SH2D3A: variants seen among roughly 807,000 people sequenced by gnomAD.
SH2D3A encodes SH2 domain-containing protein 3A.
SH2D3A carries 46 observed loss-of-function variants against 50.6 expected under a neutral mutation model. That is an observed-to-expected ratio of 0.91 (90% CI 0.72 to 1.16). The LOEUF (loss-of-function observed/expected upper bound fraction) is 1.16. Among genes scored for constraint, SH2D3A ranks in the 50% most tolerant of loss-of-function variants. SH2D3A has a pLI of 0.00. For synonymous variants in SH2D3A, 377 were observed against 348.4 expected, an observed-to-expected ratio of 1.08 and a Z score of -0.91; for missense variants, 783 against 786.2, an observed-to-expected ratio of 1.00 and a Z score of 0.05.
At chr19:6,759,559 T>A in intron 4 of SH2D3A, 35 bp downstream of exon 4, 1 of 1,603,368 alleles carries the variant, frequency 6.2e-7, no homozygotes, top group Non-Finnish European at 8.5e-7. Context: ...GCAGAGCCAA[T>A]CCCTGAGCCA....
chr19:6,762,373 G>A (rs1252223041), intron 2 of SH2D3A, among the ~76,000 whole-genome samples: 3 of 151,496 alleles, frequency 2.0e-5, no homozygotes, highest in South Asian at 2.1e-4. Flanking sequence ...TTAGTAGAGA[G>A]GGGGTTTCAT....
chr19:6,763,646 C>CCT, intron 2 of SH2D3A, 34 bp downstream of exon 2: 2 of 1,603,836 alleles, frequency 1.2e-6, no homozygotes, highest in African/African-American at 2.7e-5. Flanking sequence ...AGGCTCCCCA[C>CCT]CAGATGGTGC....
At chr19:6,762,310 A>T (rs563541294) in intron 2 of SH2D3A, among the ~76,000 whole-genome samples, 1 of 151,928 alleles carries the variant, frequency 6.6e-6, no homozygotes, top group East Asian at 1.9e-4. Flanking sequence ...CAGCCTCCCG[A>T]GTAGCTGGGA....
chr19:6,762,869 G>T (rs1408589830), intron 2 of SH2D3A, among the ~76,000 whole-genome samples: 2 of 151,814 alleles, frequency 1.3e-5, no homozygotes, highest in Non-Finnish European at 2.9e-5. Context: ...GAGGTCAAAT[G>T]TCCTGCCCAA....
At chr19:6,759,534 C>T in intron 4 of SH2D3A, 60 bp downstream of exon 4, 2 of 1,499,902 alleles carry the variant, frequency 1.3e-6, no homozygotes, top group Non-Finnish European at 1.9e-6. Flanking sequence ...ACCAAGATCT[C>T]TTAGGTGGTG....
At chr19:6,761,754 C>T (rs1166623936) in intron 2 of SH2D3A, among the ~76,000 whole-genome samples, 1 of 151,910 alleles carries the variant, frequency 6.6e-6, no homozygotes. Flanking sequence ...TTGAGACCAG[C>T]CTGGGCAACA....
chr19:6,754,213 C>T (rs1969505907), intron 7 of SH2D3A, 38 bp downstream of exon 7: 4 of 1,606,198 alleles, frequency 2.5e-6, no homozygotes, highest in African/African-American at 1.3e-5. Flanking sequence ...CCCAGTCACC[C>T]GCACTCCAGC....
intron 1 of SH2D3A, among the ~76,000 whole-genome samples, chr19:6,765,585 TA>T (rs1599599123): frequency 1.3e-5 from 2 of 151,698 alleles, no homozygotes; most frequent in African/African-American, 4.8e-5. Context: ...CCGTCTCTAC[TA>T]AAAATACAAA....
In SH2D3A at chr19:6,752,705, A is replaced by T. The variant is rs997355812; in HGVS notation, c.1619T>A (p.Val540Glu). The change falls in exon 10 of 10, where the codon GTG becomes GAG. Residue 540 changes from valine to glutamate, a missense_variant. Coordinates refer to ENST00000245908, the MANE Select transcript of SH2D3A (RefSeq NM_005490.3). ...ELREALTTGF[V>E]RRLLWGSRGA... ...CCGGCTACCCCAGAGCAGCCTCCGC[A>T]CGAAGCCGGTGGTCAGGGCCTCCCT... 5 of 1,552,478 alleles carry T rather than the reference A, an allele frequency of 3.2e-6. No homozygotes were observed. In the African/African-American group the frequency reaches 5.5e-5, roughly 17 times the overall value.
intron 4 of SH2D3A, chr19:6,758,893 T>C (rs1380697994): frequency 1.3e-5 from 2 of 152,066 alleles, no homozygotes; most frequent in African/African-American, 4.8e-5. Context: ...GAACTTACCC[T>C]GGATGGAGAG....
rs113786010 is a variant in SH2D3A at position 6,759,599 on chromosome 19, C to T, written c.491G>A (p.Gly164Glu). ...HMGRSREDPA[G>E]MEASTMPISA... ...CCATTCTAGCAGACACTTACCCATC[C>T]CAGCGGGGTCTTCTCTTGACCGCCC... is the stretch of plus-strand genomic sequence containing the variant. The change falls in exon 4 of 10, where the codon GGG becomes GAG. Residue 164 changes from glycine (G) to glutamate (E), a missense_variant. Transcript: ENST00000245908. 2.2e-5 allele frequency: 35 copies of T among 1,613,770 alleles called. No individual in the cohort carries two copies. The highest frequency in any genetic ancestry group is 1.9e-4 in the African/African-American group (14 of 74,924).
intron 9 of SH2D3A, chr19:6,752,958 G>A (rs561117987): frequency 2.0e-6 from 2 of 985,222 alleles, no homozygotes; most frequent in Non-Finnish European, 2.4e-6. Context: ...TGCCTGAGGG[G>A]CTCTACCGCA....
chr19:6,765,329 G>A (rs1303064881), intron 1 of SH2D3A, among the ~76,000 whole-genome samples: 1 of 152,074 alleles, frequency 6.6e-6, no homozygotes, highest in African/African-American at 2.4e-5. Flanking sequence ...GTGACTCTGG[G>A]TGAAAAAACA....
At chr19:6,766,069 G>C (rs1970291146) in intron 1 of SH2D3A, among the ~76,000 whole-genome samples, 1 of 152,204 alleles carries the variant, frequency 6.6e-6, no homozygotes, top group Non-Finnish European at 1.5e-5. Context: ...GGGGTCTGCA[G>C]AGAAATTCCT....
chr19:6,763,209 G>T (rs190512884), intron 2 of SH2D3A, among the ~76,000 whole-genome samples: 1 of 151,960 alleles, frequency 6.6e-6, no homozygotes, highest in Non-Finnish European at 1.5e-5. Context: ...GACTACAGGC[G>T]CATACCACCA....
Position 6,765,229 on chromosome 19 carries a change from G to A in SH2D3A, c.-68-1413C>T, listed in dbSNP as rs1970245380. 2.6e-5 allele frequency among the ~76,000 whole-genome samples: 4 copies of A among 151,538 alleles called. No homozygotes were observed. The South Asian group carries it at 6.3e-4, about 24-fold the overall frequency. On this transcript the variant is annotated intron_variant, in intron 1 of 9. Transcript: ENST00000245908. Reference sequence around the variant, plus strand: ...ATATGTAGAGATTGGGTCTTGCCACGTTGCCCAGGCTGGGTGAACATTTTT... The same window carrying A: ...ATATGTAGAGATTGGGTCTTGCCACATTGCCCAGGCTGGGTGAACATTTTT...
chr19:6,755,621 T>G (rs772601170), intron 4 of SH2D3A, among the ~76,000 whole-genome samples: 1 of 151,368 alleles, frequency 6.6e-6, no homozygotes, highest in Non-Finnish European at 1.5e-5. Context: ...ATTCCTAGTC[T>G]CAAGCAATCC....
Position 6,754,815 on chromosome 19 carries a change from C to T in SH2D3A, c.981+16G>A, listed in dbSNP as rs764883485. ...TGCCCTGGGCCTGGGGAGGAGCATC[C>T]CAGGAGGTGACCCACCTGGCAGTCT... On this transcript the variant is annotated intron_variant, in intron 5 of 9. Coordinates refer to ENST00000245908, the MANE Select transcript of SH2D3A (RefSeq NM_005490.3). 1 of 1,609,172 alleles carries T rather than the reference C, an allele frequency of 6.2e-7. No individual in the cohort carries two copies. The highest frequency in any genetic ancestry group is 1.7e-5 in the Admixed American group (1 of 59,816).
At chr19:6,764,770 A>G (rs1488564243) in intron 1 of SH2D3A, among the ~76,000 whole-genome samples, 1 of 151,766 alleles carries the variant, frequency 6.6e-6, no homozygotes, top group Non-Finnish European at 1.5e-5. Context: ...CAGTGGTGCA[A>G]TCACAGCTCA....
Sources: allele counts gnomAD v4.1 joint callset (sites outside exome capture counted in the v4.1 genomes callset), GRCh38; gene constraint gnomAD v4.1.1; transcripts MANE v1.5; gene names NCBI Gene and HGNC (gene_info 2026-07-23, HGNC 2026-07-21).